The following FAT4 variants were observed in gnomAD, a reference collection of about 807,000 sequenced individuals.
The protein encoded by FAT4 is FAT atypical cadherin 4.
FAT4 carries 84 observed loss-of-function variants against 303.9 expected under a neutral mutation model. The ratio of observed to expected loss-of-function variants is 0.28; its 90% CI spans 0.23 to 0.33. The LOEUF is 0.33. FAT4 is among the 10% of genes least tolerant of loss of function. The pLI is 1.00. For synonymous variants in FAT4, 2,307 were observed against 2,298.8 expected, an observed-to-expected ratio of 1.00 and a Z score of -0.10; for missense variants, 6,005 against 6,146.8, an observed-to-expected ratio of 0.98 and a Z score of 0.77.
chr4:125,490,376 C>T lies in FAT4; in HGVS notation c.13560C>T (p.Leu4520=). Residue 4520 remains leucine (L), a synonymous_variant, in exon 18 of 18, where the codon CTC becomes CTT. Coordinates refer to ENST00000394329, the MANE Select transcript of FAT4 (RefSeq NM_001291303.3). ...GCAGCTGCGCAACCGTCTTGGCCCT[C>T]CTGGTCCTTAGCCTGATCCTGTGTA... ...IVGSCATVLA[L]LVLSLILCNQ... is the part of the protein sequence containing the mutation. 1 of 1,614,112 alleles carries T rather than the reference C, an allele frequency of 6.2e-7. No individual in the cohort carries two copies.
At chr4:125,387,526 T>C (rs1213890777) in intron 2 of FAT4, among the ~76,000 whole-genome samples, 1 of 152,208 alleles carries the variant, frequency 6.6e-6, no homozygotes, top group African/African-American at 2.4e-5. Context: ...CACAATCTGA[T>C]GAACTCTCCC....
At chr4:125,396,961 T>G (rs1448547556) in intron 2 of FAT4, among the ~76,000 whole-genome samples, 11 of 83,878 alleles carry the variant, frequency 1.3e-4, no homozygotes, top group African/African-American at 5.8e-4. Flanking sequence ...TATATATATA[T>G]ATATAAAATA....
rs141532188 is a variant in FAT4, at chr4:125,449,353, C to A, written c.8343C>A (p.Ala2781=). The A allele has an allele frequency of 3.2e-5, 51 of 1,613,602 alleles. No homozygotes were observed. The African/African-American group carries it at 6.7e-4, about 21-fold the overall frequency. ...CTAGGTTTTCTCAGATATTTAGTGC[C>A]CATGTTCCTGAAAATTCCCCCTTAG... ...NAPRFSQIFS[A]HVPENSPLGY... is the part of the protein sequence containing the mutation. Residue 2781 remains alanine, a synonymous_variant, in exon 10 of 18, where the codon GCC becomes GCA. Coordinates refer to ENST00000394329, the MANE Select transcript of FAT4 (RefSeq NM_001291303.3).
chr4:125,416,433 T>C lies in FAT4; in HGVS notation c.6844-15T>C. On this transcript the variant is annotated splice_polypyrimidine_tract_variant and intron_variant, in intron 6 of 17. Coordinates refer to ENST00000394329, the MANE Select transcript of FAT4 (RefSeq NM_001291303.3). ...TGTTTGTTTTACTCACATCTTGGTATGTACTGTTCTACAGGTGGTGGCAAG... is the reference window on the plus strand; with the variant it reads ...TGTTTGTTTTACTCACATCTTGGTACGTACTGTTCTACAGGTGGTGGCAAG... The C allele has an allele frequency of 6.2e-7, 1 of 1,607,930 alleles. No individual in the cohort carries two copies. The highest frequency in any genetic ancestry group is 8.5e-7 in the Non-Finnish European group (1 of 1,176,784).
intron 4 of FAT4, 39 bp downstream of exon 4, chr4:125,407,180 G>T (rs771091806): frequency 3.2e-6 from 5 of 1,561,694 alleles, no homozygotes; most frequent in Non-Finnish European, 4.4e-6. Flanking sequence ...TGCAAGAATC[G>T]CTTTTGAACC....
chr4:125,451,721 A>G lies in FAT4; in HGVS notation c.10711A>G (p.Thr3571Ala). 6.2e-7 allele frequency: 1 copy of G among 1,614,120 alleles called. No homozygotes were observed. Among genetic ancestry groups the G allele is most frequent in the South Asian group, 1.1e-5 (1 of 91,078 alleles). The change falls in exon 10 of 18, where the codon ACC becomes GCC. Residue 3571 changes from threonine (T) to alanine (A), a missense_variant. Transcript: ENST00000394329. ...GAGCACTGCTGGAGTTCTGAGCACA[A>G]CCAGAGAGATTGACAGAGAGCAGAT... is the stretch of plus-strand genomic sequence containing the variant. ...SLSTAGVLST[T>A]REIDREQIAD...
chr4:125,439,764 T>G (rs1246524269), intron 8 of FAT4, among the ~76,000 whole-genome samples: 1 of 152,222 alleles, frequency 6.6e-6, no homozygotes, highest in Non-Finnish European at 1.5e-5. Context: ...ACCATGTAGA[T>G]ATCTATATAA....
In FAT4 at chr4:125,434,562, CA is replaced by C; in HGVS notation, c.7199+139del. 13 of 631,792 alleles carry C rather than the reference CA, an allele frequency of 2.1e-5. 1 individual carries two copies. The highest frequency in any genetic ancestry group is 2.9e-5 in the Non-Finnish European group (11 of 379,852). The allele number at this position is 631,792 out of a possible 1,614,324, so 39.1% of individuals were successfully genotyped here. On this transcript the variant is annotated intron_variant, in intron 8 of 17. Coordinates refer to ENST00000394329, the MANE Select transcript of FAT4 (RefSeq NM_001291303.3). ...CTTCTTGTTATCCATTGCTGATAGC[CA>C]ACAATTCATTAAATGAAGATTCAAA...
In FAT4 at chr4:125,356,555, T is replaced by G. The variant is rs974074266; in HGVS notation, c.5175+34969T>G. On this transcript the variant is annotated intron_variant, in intron 2 of 17. Coordinates refer to ENST00000394329, the MANE Select transcript of FAT4 (RefSeq NM_001291303.3). The stretch of plus-strand genomic sequence containing the variant: ...ATAGGGTGTTTTGTTTTTTGTTTTT[T>G]TTTTTTTTTTGCCATTTATAGGTTA... 9.9e-4 allele frequency among the ~76,000 whole-genome samples: 147 copies of G among 149,152 alleles called. 1 individual carries two copies. The South Asian group carries it at 0.024, about 25-fold the overall frequency.
At chr4:125,477,654 A>G (rs1369150450) in intron 14 of FAT4, among the ~76,000 whole-genome samples, 2 of 151,972 alleles carry the variant, frequency 1.3e-5, no homozygotes, top group East Asian at 3.9e-4. Flanking sequence ...AAAGGGTTCC[A>G]GCACAGAGAG....
chr4:125,442,169 A>T lies in FAT4; in HGVS notation c.7200-4124A>T, dbSNP rs1287438926. Among the ~76,000 whole-genome samples the T allele has an allele frequency of 3.9e-5, 6 of 152,292 alleles. No individual in the cohort carries two copies. In the East Asian group the frequency reaches 1.2e-3, roughly 29 times the overall value. On this transcript the variant is annotated intron_variant, in intron 8 of 17. Coordinates refer to ENST00000394329, the MANE Select transcript of FAT4 (RefSeq NM_001291303.3). ...CTGCCTTTTTGAACACTATTGAAAG[A>T]TGGGTAGCCCCTTTACAACTTATGT...
chr4:125,406,606 A>G (rs943387533), intron 3 of FAT4, among the ~76,000 whole-genome samples: 11 of 152,176 alleles, frequency 7.2e-5, no homozygotes, highest in African/African-American at 2.7e-4. Flanking sequence ...TTTTAACAAT[A>G]TTAAGTCTTC....
intron 7 of FAT4, among the ~76,000 whole-genome samples, chr4:125,420,682 A>G (rs1368114089): frequency 2.6e-5 from 4 of 152,212 alleles, no homozygotes; most frequent in African/African-American, 9.6e-5. Context: ...TTGCAGTCAC[A>G]TGTAAGGACC....
intron 10 of FAT4, among the ~76,000 whole-genome samples, chr4:125,456,846 A>T (rs554339008): frequency 4.0e-4 from 61 of 152,276 alleles, no homozygotes; most frequent in South Asian, 3.1e-3. Context: ...ATGATTTTTT[A>T]AAAAATTACT....
At chr4:125,413,178 AG>A (rs2126025231) in intron 5 of FAT4, among the ~76,000 whole-genome samples, 2 of 151,942 alleles carry the variant, frequency 1.3e-5, no homozygotes, top group African/African-American at 4.8e-5. Context: ...ATATATGTGA[AG>A]ATAGTGGAAA....
chr4:125,477,561 A>ATATATATG (rs569407755), intron 14 of FAT4, among the ~76,000 whole-genome samples: 1 of 135,830 alleles, frequency 7.4e-6, no homozygotes, highest in South Asian at 2.5e-4. Context: ...ATATATATAT[A>ATATATATG]TATGCATGTG....
intron 16 of FAT4, among the ~76,000 whole-genome samples, chr4:125,484,958 T>A (rs1280624363): frequency 6.6e-6 from 1 of 151,910 alleles, no homozygotes; most frequent in Non-Finnish European, 1.5e-5. Flanking sequence ...GCTCAATGTA[T>A]CCTCCCACCT....
At chr4:125,487,151 A>G (rs1006473597) in intron 16 of FAT4, among the ~76,000 whole-genome samples, 194 bp from the exon 17 acceptor site, 3 of 152,234 alleles carry the variant, frequency 2.0e-5, no homozygotes, top group African/African-American at 7.2e-5. Context: ...GTTGAAAACC[A>G]TTGAAACTTA....
chr4:125,410,859 G>C (rs541727637), intron 5 of FAT4, among the ~76,000 whole-genome samples: 30 of 152,178 alleles, frequency 2.0e-4, no homozygotes, highest in African/African-American at 7.0e-4. Context: ...TTGAGTAAAA[G>C]TTTCAAGCTA....
Sources: gnomAD v4.1 joint callset for allele counts (sites outside exome capture counted in the v4.1 genomes callset) on GRCh38, gnomAD v4.1.1 for gene constraint, MANE v1.5 for transcripts, NCBI Gene and HGNC (gene_info 2026-07-23, HGNC 2026-07-21) for gene names.